The following PTPRD variants were observed in gnomAD, a reference collection of about 807,000 sequenced individuals.
PTPRD encodes the protein receptor-type tyrosine-protein phosphatase delta.
In PTPRD, 34 loss-of-function variants were observed where a neutral mutation model predicts 214.5. The observed-to-expected ratio is 0.16, with a 90% CI of 0.12 to 0.21. PTPRD has a LOEUF of 0.21. PTPRD is among the 10% of genes least tolerant of loss of function. PTPRD has a pLI of 1.00. For missense variants in PTPRD, 2,545 were observed against 2,398.7 expected (o/e 1.06, Z -1.27); for synonymous variants, 1,128 against 845.7 (o/e 1.33, Z -5.79).
At chr9:8,443,623 C>G (rs531861252) in intron 34 of PTPRD, among the ~76,000 whole-genome samples, 4 of 152,178 alleles carry the variant, frequency 2.6e-5, no homozygotes, top group Non-Finnish European at 4.4e-5. Flanking sequence ...AGTTTTAAAT[C>G]TCTTTTCCTA....
At chr9:9,346,927 T>C (rs988802010) in intron 9 of PTPRD, among the ~76,000 whole-genome samples, 3 of 152,026 alleles carry the variant, frequency 2.0e-5, no homozygotes, top group African/African-American at 7.2e-5. Context: ...TCCTGATCTC[T>C]GGTGATCCGC....
chr9:9,657,422 G>A (rs528012934), intron 7 of PTPRD, among the ~76,000 whole-genome samples: 1 of 152,064 alleles, frequency 6.6e-6, no homozygotes, highest in African/African-American at 2.4e-5. Context: ...TGGACACAGG[G>A]AGGAGAACAT....
intron 9 of PTPRD, among the ~76,000 whole-genome samples, chr9:9,183,839 C>T (rs1017712765): frequency 6.6e-6 from 1 of 151,976 alleles, no homozygotes; most frequent in Admixed American, 6.6e-5. Flanking sequence ...CTTGTCTATC[C>T]TACTCGTTCT....
At chr9:9,324,775 G>C (rs1459722781) in intron 9 of PTPRD, among the ~76,000 whole-genome samples, 1 of 152,158 alleles carries the variant, frequency 6.6e-6, no homozygotes, top group Non-Finnish European at 1.5e-5. Context: ...CCATGCCTAT[G>C]TCCTGAATGG....
intron 3 of PTPRD, among the ~76,000 whole-genome samples, chr9:10,065,444 CT>C (rs1184617484): frequency 6.6e-6 from 1 of 151,030 alleles, no homozygotes; most frequent in African/African-American, 2.4e-5. Flanking sequence ...CTCCATTAGG[CT>C]TTTTTTTTAT....
At chr9:9,021,376 G>C (rs536566244) in intron 10 of PTPRD, among the ~76,000 whole-genome samples, 2 of 152,080 alleles carry the variant, frequency 1.3e-5, no homozygotes, top group Non-Finnish European at 2.9e-5. Flanking sequence ...CATCATATTT[G>C]ATTGGTACAA....
intron 3 of PTPRD, among the ~76,000 whole-genome samples, chr9:10,240,719 C>A (rs2154362419): frequency 6.6e-6 from 1 of 151,820 alleles, no homozygotes; most frequent in Non-Finnish European, 1.5e-5. Flanking sequence ...AGGTCAATAA[C>A]CCCTAACAAA....
At chr9:9,455,297 T>C (rs2092828214) in intron 8 of PTPRD, among the ~76,000 whole-genome samples, 1 of 151,504 alleles carries the variant, frequency 6.6e-6, no homozygotes, top group South Asian at 2.1e-4. Flanking sequence ...ATATTAATTT[T>C]TAAAAATATT....
intron 3 of PTPRD, among the ~76,000 whole-genome samples, chr9:10,190,408 AAAAAAAAAAAAAC>A (rs1255701123): frequency 0.01 from 985 of 97,580 alleles, 102 homozygotes; most frequent in African/African-American, 0.047. Flanking sequence ...AAAAAAAAAA[AAAAAAAAAAAAAC>A]AAAAAGTCAA....
chr9:9,863,055 T>C (rs2153694855), intron 5 of PTPRD, among the ~76,000 whole-genome samples: 1 of 152,322 alleles, frequency 6.6e-6, no homozygotes, highest in East Asian at 1.9e-4. Context: ...ATTTTTTAAA[T>C]TTTACTCATT....
chr9:8,764,866 T>C (rs757889578), intron 11 of PTPRD, among the ~76,000 whole-genome samples: 1 of 151,634 alleles, frequency 6.6e-6, no homozygotes, highest in Non-Finnish European at 1.5e-5. Flanking sequence ...AGAGATCACA[T>C]GATGCATATA....
At chr9:8,564,622 C>G (rs947716214) in intron 14 of PTPRD, among the ~76,000 whole-genome samples, 4 of 152,122 alleles carry the variant, frequency 2.6e-5, no homozygotes, top group Non-Finnish European at 5.9e-5. Flanking sequence ...ATTGTTTGAA[C>G]TTAGGAGGCG....
intron 10 of PTPRD, among the ~76,000 whole-genome samples, chr9:9,177,332 T>G (rs989203489): frequency 7.2e-5 from 11 of 152,000 alleles, no homozygotes; most frequent in African/African-American, 2.2e-4. Context: ...GTGGGGATTA[T>G]GGGGATTATG....
At chr9:9,966,684 T>C (rs1374207247) in intron 4 of PTPRD, among the ~76,000 whole-genome samples, 1 of 152,130 alleles carries the variant, frequency 6.6e-6, no homozygotes, top group East Asian at 1.9e-4. Context: ...TGGGGGAAAG[T>C]CCATCATATG....
chr9:9,403,164 G>C (rs1049411052), intron 8 of PTPRD, among the ~76,000 whole-genome samples: 5 of 150,390 alleles, frequency 3.3e-5, no homozygotes, highest in Non-Finnish European at 5.9e-5. Context: ...GGTGGCACAA[G>C]GCTGTAATCC....
chr9:10,158,089 A>ACCT (rs942867974), intron 3 of PTPRD, among the ~76,000 whole-genome samples: 3 of 150,982 alleles, frequency 2.0e-5, no homozygotes, highest in African/African-American at 7.3e-5. Context: ...GCTCACTACA[A>ACCT]CCTCCTCCTC....
intron 7 of PTPRD, among the ~76,000 whole-genome samples, chr9:9,658,791 CTGTGCTTTA>C (rs2096569781): frequency 6.6e-6 from 1 of 152,124 alleles, no homozygotes; most frequent in African/African-American, 2.4e-5. Flanking sequence ...GTGTTAGGTA[CTGTGCTTTA>C]TAAGCATTAT....
At chr9:8,980,026 A>C (rs2099301123) in intron 11 of PTPRD, among the ~76,000 whole-genome samples, 1 of 152,142 alleles carries the variant, frequency 6.6e-6, no homozygotes, top group Non-Finnish European at 1.5e-5. Flanking sequence ...ACACACATAC[A>C]CACTGGAATA....
At chr9:9,054,788 A>G (rs950447236) in intron 10 of PTPRD, among the ~76,000 whole-genome samples, 2 of 152,198 alleles carry the variant, frequency 1.3e-5, no homozygotes, top group Admixed American at 6.5e-5. Flanking sequence ...ACCCTTGATG[A>G]GATCACAGTC....
Sources: allele counts gnomAD v4.1 joint callset (sites outside exome capture counted in the v4.1 genomes callset), GRCh38; gene constraint gnomAD v4.1.1; transcripts MANE v1.5; gene names NCBI Gene and HGNC (gene_info 2026-07-23, HGNC 2026-07-21).